USP43: variants seen among roughly 807,000 people sequenced by gnomAD.
The protein encoded by USP43 is ubiquitin specific peptidase 43.
A neutral mutation model predicts 90.7 loss-of-function variants in USP43; 33 were observed. The observed-to-expected ratio is 0.36, with a 90% CI of 0.28 to 0.49. The LOEUF (loss-of-function observed/expected upper bound fraction) is 0.49, where lower values mean the gene tolerates loss of function less well. Among genes scored for constraint, USP43 ranks in the 20% least tolerant of loss-of-function variants. The probability of loss-of-function intolerance (pLI) is 0.98; values close to 1 mark genes in which losing one functional copy is unlikely to be tolerated. For synonymous variants in USP43, 598 were observed against 615.8 expected, an observed-to-expected ratio of 0.97 and a Z score of 0.43; for missense variants, 1,274 against 1,476.4, an observed-to-expected ratio of 0.86 and a Z score of 2.25.
At chr17:9,716,914 TC>T (rs1916601468) in intron 14 of USP43, among the ~76,000 whole-genome samples, 1 of 152,096 alleles carries the variant, frequency 6.6e-6, no homozygotes, top group Non-Finnish European at 1.5e-5. Context: ...GGTGGGAGGA[TC>T]ACCTGAGGTC....
At chr17:9,656,618 T>C in intron 2 of USP43, 84 bp downstream of exon 2, 1 of 1,460,954 alleles carries the variant, frequency 6.8e-7, no homozygotes, top group East Asian at 2.5e-5. Flanking sequence ...AACTGAATCT[T>C]GAAATTGAGA....
chr17:9,652,796 G>A (rs1911967374), intron 1 of USP43, among the ~76,000 whole-genome samples: 1 of 152,046 alleles, frequency 6.6e-6, no homozygotes, highest in Admixed American at 6.6e-5. Context: ...AAAAAACTTT[G>A]TCATTTACAA....
intron 14 of USP43, among the ~76,000 whole-genome samples, chr17:9,714,800 GGAA>G (rs1916407111): frequency 6.6e-6 from 1 of 152,104 alleles, no homozygotes; most frequent in South Asian, 2.1e-4. Context: ...GCCAGTGAGG[GGAA>G]GAAAACCAGG....
chr17:9,668,926 C>A (rs1239503735), intron 3 of USP43, among the ~76,000 whole-genome samples: 1 of 152,144 alleles, frequency 6.6e-6, no homozygotes, highest in East Asian at 1.9e-4. Flanking sequence ...ACCTCCACTT[C>A]CCGGGTTCAA....
intron 14 of USP43, among the ~76,000 whole-genome samples, chr17:9,719,935 C>A (rs1200595192): frequency 6.6e-6 from 1 of 152,040 alleles, no homozygotes; most frequent in Non-Finnish European, 1.5e-5. Context: ...GGCATGATGG[C>A]ACATGACTGC....
At position 9,650,687 on chromosome 17, in the gene USP43, C is replaced by T. The variant is rs191398533; in HGVS notation, c.504+4551C>T. ...CATTACAGGTATGAGCCACCACGCC[C>T]GGCCAACATACCTATGTTTTTGTGG... On this transcript the variant is annotated intron_variant, in intron 1 of 14. Transcript: ENST00000285199. 2.3e-4 allele frequency among the ~76,000 whole-genome samples: 35 copies of T among 152,214 alleles called. 2 individuals carry two copies. The highest frequency in any genetic ancestry group is 7.7e-4 in the East Asian group (4 of 5,190).
chr17:9,679,552 G>C (rs1914022122), intron 5 of USP43, among the ~76,000 whole-genome samples: 1 of 132,388 alleles, frequency 7.6e-6, no homozygotes, highest in Non-Finnish European at 1.5e-5. Flanking sequence ...TAATGACGGA[G>C]TCTCGCTCTG....
At position 9,674,994 on chromosome 17, in the gene USP43, G is replaced by A; in HGVS notation, c.833+11G>A. The A allele has an allele frequency of 6.2e-7, 1 of 1,611,250 alleles. No individual in the cohort carries two copies. The highest frequency in any genetic ancestry group is 8.5e-7 in the Non-Finnish European group (1 of 1,177,398). On this transcript the variant is annotated intron_variant, in intron 4 of 14. Transcript: ENST00000285199. This position sits in a 1 kb window ranked among gnomAD's most constrained non-coding sequence, Gnocchi z 4.4. ...CTTGCGCCAGACGAGGTACGTGAGT[G>A]TCGCGGCTTGCCCGGTGAACTTGAC...
intron 3 of USP43, among the ~76,000 whole-genome samples, chr17:9,671,246 T>G (rs1459789186): frequency 6.6e-6 from 1 of 152,014 alleles, no homozygotes; most frequent in African/African-American, 2.4e-5. Flanking sequence ...GACCAACGAT[T>G]GTGGCTATGT....
At chr17:9,682,144 T>C (rs1914329354) in intron 6 of USP43, among the ~76,000 whole-genome samples, 1 of 152,238 alleles carries the variant, frequency 6.6e-6, no homozygotes, top group South Asian at 2.1e-4. Flanking sequence ...ATACTTCTTA[T>C]GTTGGCTTTC....
At chr17:9,724,897 G>A (rs764358971) in intron 14 of USP43, among the ~76,000 whole-genome samples, 1 of 151,586 alleles carries the variant, frequency 6.6e-6, no homozygotes, top group Non-Finnish European at 1.5e-5. Flanking sequence ...AGAGACAGAA[G>A]GTGCTCAACT....
intron 14 of USP43, among the ~76,000 whole-genome samples, chr17:9,727,411 G>A (rs1396599383): frequency 6.6e-6 from 1 of 152,126 alleles, no homozygotes; most frequent in Non-Finnish European, 1.5e-5. Context: ...GTTTTCACAT[G>A]CATGCATAAT....
intron 12 of USP43, among the ~76,000 whole-genome samples, chr17:9,708,132 C>T (rs548211508): frequency 2.0e-5 from 3 of 152,228 alleles, no homozygotes; most frequent in South Asian, 2.1e-4. Flanking sequence ...AGAAAGCATT[C>T]GGTGTGTTTA....
chr17:9,715,552 TTGTGTGTGTGTGTCTC>T (rs1373363182), intron 14 of USP43, among the ~76,000 whole-genome samples: 2 of 148,644 alleles, frequency 1.3e-5, no homozygotes, highest in Non-Finnish European at 3.0e-5. Flanking sequence ...GTCTGTGTCT[TTGTGTGTGTGTGTCTC>T]TGTGTGTGTG....
Position 9,709,015 on chromosome 17 carries a change from G to A in USP43, c.2012-941G>A, listed in dbSNP as rs996782416. Among the ~76,000 whole-genome samples, 7 of 152,108 alleles carry A rather than the reference G, an allele frequency of 4.6e-5. No individual in the cohort carries two copies. Among genetic ancestry groups the A allele is most frequent in the East Asian group, 3.9e-4 (2 of 5,182 alleles). ...TGGGAGAAAGACACGCAGAATATGCGACAGAGAATATATGTGGCCATATGT... is the reference window on the plus strand; with the variant it reads ...TGGGAGAAAGACACGCAGAATATGCAACAGAGAATATATGTGGCCATATGT... On this transcript the variant is annotated intron_variant, in intron 12 of 14. Coordinates refer to ENST00000285199, the MANE Select transcript of USP43 (RefSeq NM_153210.5). This position sits in a 1 kb window ranked among gnomAD's most constrained non-coding sequence, Gnocchi z 5.0.
chr17:9,692,905 A>G (rs8076883), intron 8 of USP43, among the ~76,000 whole-genome samples: 6,181 of 152,294 alleles, frequency 0.041, 397 homozygotes, highest in African/African-American at 0.14. Flanking sequence ...AAGATGTAAC[A>G]TATTAAACAC....
At chr17:9,652,714 A>T (rs191824033) in intron 1 of USP43, among the ~76,000 whole-genome samples, 5 of 151,704 alleles carry the variant, frequency 3.3e-5, no homozygotes, top group Admixed American at 1.3e-4. Context: ...ATAGGTTATT[A>T]AAAAAAAATT....
chr17:9,694,264 G>A (rs909280624), intron 9 of USP43, among the ~76,000 whole-genome samples: 2 of 152,080 alleles, frequency 1.3e-5, no homozygotes, highest in African/African-American at 4.8e-5. Flanking sequence ...TGAGCCAGAA[G>A]GTTCTGTGAC....
chr17:9,709,049 A>C lies in USP43; in HGVS notation c.2012-907A>C, dbSNP rs1026629585. On this transcript the variant is annotated intron_variant, in intron 12 of 14. Coordinates refer to ENST00000285199, the MANE Select transcript of USP43 (RefSeq NM_153210.5). The surrounding 1 kb of genome is among the most constrained non-coding windows in gnomAD (Gnocchi z 5.0). ...TATATGTGGCCATATGTGACCTGCA[A>C]AGTCTCAATATTTGTCATCTGGTCC... 6.6e-6 allele frequency among the ~76,000 whole-genome samples: 1 copy of C among 152,204 alleles called. No homozygotes were observed. Among genetic ancestry groups the C allele is most frequent in the African/African-American group, 2.4e-5 (1 of 41,454 alleles).
Sources: gnomAD v4.1 joint callset for allele counts (sites outside exome capture counted in the v4.1 genomes callset) on GRCh38, gnomAD v4.1.1 for gene constraint, Gnocchi (gnomAD v3.1) non-coding constraint, MANE v1.5 for transcripts, NCBI Gene and HGNC (gene_info 2026-07-23, HGNC 2026-07-21) for gene names.